Variants in YEATS2 observed in about 807,000 individuals in gnomAD.
YEATS2 encodes the protein YEATS domain containing 2.
In YEATS2, 77 loss-of-function variants were observed where a neutral mutation model predicts 163.2. That is an observed-to-expected ratio of 0.47 (90% CI 0.39 to 0.57). The LOEUF is 0.57. Among genes scored for constraint, YEATS2 ranks in the 20% least tolerant of loss-of-function variants. The pLI, the probability that YEATS2 is intolerant of heterozygous loss-of-function variation, is 0.00. For synonymous variants in YEATS2, 631 were observed against 645.1 expected, an observed-to-expected ratio of 0.98 and a Z score of 0.33; for missense variants, 1,549 against 1,729.8, an observed-to-expected ratio of 0.90 and a Z score of 1.85.
chr3:183,808,816 ACTG>A (rs1363940699), intron 29 of YEATS2: 3 of 292,272 alleles, frequency 1.0e-5, no homozygotes, highest in African/African-American at 6.6e-5. Context: ...AGATCGCGCC[ACTG>A]CGCTCCAGCC....
At chr3:183,721,601 T>C (rs1310734033) in intron 4 of YEATS2, among the ~76,000 whole-genome samples, 1 of 152,228 alleles carries the variant, frequency 6.6e-6, no homozygotes, top group East Asian at 1.9e-4. Flanking sequence ...ACTTTTAAAG[T>C]CAGATTTTAT....
intron 1 of YEATS2, among the ~76,000 whole-genome samples, chr3:183,699,014 A>G (rs1257973713): frequency 1.3e-5 from 2 of 152,156 alleles, no homozygotes; most frequent in African/African-American, 2.4e-5. Context: ...GGTTTTGAGA[A>G]GGCGAGTAGC....
At position 183,761,711 on chromosome 3, in the gene YEATS2, T is replaced by C. The variant is rs924256153; in HGVS notation, c.1764+97T>C. 3 of 1,161,720 alleles carry C rather than the reference T, an allele frequency of 2.6e-6. No homozygotes were observed. The African/African-American group carries it at 4.5e-5, about 18-fold the overall frequency. The allele number at this position is 1,161,720 out of a possible 1,614,324, so 72.0% of individuals were successfully genotyped here. Reference sequence around the variant, plus strand: ...ACCCCTACAACATGTTACTTTTTAGTGGGTCTCAACTCCTCATTCTGAGAC... The same window carrying C: ...ACCCCTACAACATGTTACTTTTTAGCGGGTCTCAACTCCTCATTCTGAGAC... On this transcript the variant is annotated intron_variant, in intron 14 of 30. Transcript: ENST00000305135.
At chr3:183,723,310 G>A (rs1716731682) in intron 5 of YEATS2, among the ~76,000 whole-genome samples, 1 of 152,178 alleles carries the variant, frequency 6.6e-6, no homozygotes, top group Admixed American at 6.5e-5. Context: ...TTGGATTAGA[G>A]CAGCGATTTT....
In YEATS2 at chr3:183,731,770, C is replaced by T. The variant is rs144014594; in HGVS notation, c.812+2919C>T. 1.3e-4 allele frequency among the ~76,000 whole-genome samples: 20 copies of T among 152,304 alleles called. No individual in the cohort carries two copies. The East Asian group carries it at 3.9e-3, about 29-fold the overall frequency. On this transcript the variant is annotated intron_variant, in intron 7 of 30. Transcript: ENST00000305135. ...GTTTCATTACCTGTATGAGGTTTGA[C>T]GTCATCGAAATAGCCTGTGTCTTGT...
At chr3:183,726,691 T>C (rs1399185543) in intron 6 of YEATS2, among the ~76,000 whole-genome samples, 1 of 152,264 alleles carries the variant, frequency 6.6e-6, no homozygotes. Context: ...CCCTCTATGC[T>C]ATCTCTTTGT....
chr3:183,728,920 T>C, intron 7 of YEATS2, 69 bp downstream of exon 7: 1 of 1,449,548 alleles, frequency 6.9e-7, no homozygotes, highest in Non-Finnish European at 9.4e-7. Flanking sequence ...AGAAAAGTGA[T>C]TTAACTTCAA....
intron 13 of YEATS2, 50 bp downstream of exon 13, chr3:183,759,015 A>G (rs1721065266): frequency 2.3e-6 from 3 of 1,281,586 alleles, no homozygotes; most frequent in African/African-American, 1.5e-5. Context: ...TTTTCTTTTC[A>G]TTTTTAAAAA....
At chr3:183,789,376 C>G (rs1345785178) in intron 20 of YEATS2, among the ~76,000 whole-genome samples, 1 of 152,070 alleles carries the variant, frequency 6.6e-6, no homozygotes, top group East Asian at 1.9e-4. Context: ...AAAGTCCCAA[C>G]TTACCTATTT....
At chr3:183,728,106 C>G (rs940270154) in intron 6 of YEATS2, among the ~76,000 whole-genome samples, 1 of 151,870 alleles carries the variant, frequency 6.6e-6, no homozygotes, top group African/African-American at 2.4e-5. Context: ...GCTTTGTCAC[C>G]TAGACTGAAG....
Position 183,730,074 on chromosome 3 carries a change from T to G in YEATS2, c.812+1223T>G, listed in dbSNP as rs1294702848. Among the ~76,000 whole-genome samples the G allele has an allele frequency of 9.3e-4, 108 of 115,982 alleles. 1 individual carries two copies. Among genetic ancestry groups the G allele is most frequent in the African/African-American group, 3.6e-3 (97 of 26,736 alleles). 76.1% of individuals were successfully genotyped at this position (115,982 alleles called of 152,430 possible). Reference sequence around the variant, plus strand: ...TTTGTTTTTTTTTTTTTTTTTTTTTTTTTTTTTTTTTTTGGAGACACATCC... The same window carrying G: ...TTTGTTTTTTTTTTTTTTTTTTTTTGTTTTTTTTTTTTTGGAGACACATCC... On this transcript the variant is annotated intron_variant, in intron 7 of 30. Transcript: ENST00000305135.
chr3:183,725,041 C>CTTTTTTTTTTTTTTTTTTTTTTTT (rs62826962), intron 6 of YEATS2, among the ~76,000 whole-genome samples: 23 of 87,514 alleles, frequency 2.6e-4, no homozygotes, highest in Admixed American at 2.9e-4. Context: ...CCGTGCCGGC[C>CTTTTTTTTTTTTTTTTTTTTTTTT]TTTTTTTTTT....
chr3:183,754,655 G>A (rs1352362456), intron 11 of YEATS2, among the ~76,000 whole-genome samples: 1 of 152,194 alleles, frequency 6.6e-6, no homozygotes, highest in Non-Finnish European at 1.5e-5. Flanking sequence ...TGAAACTAAG[G>A]TGTAGGAATC....
intron 20 of YEATS2, among the ~76,000 whole-genome samples, chr3:183,786,620 T>C (rs754551588): frequency 6.6e-6 from 1 of 152,146 alleles, no homozygotes; most frequent in Non-Finnish European, 1.5e-5. Context: ...CTGACCTACT[T>C]TCTTTGGATT....
rs1715953478 is a variant in YEATS2, at chr3:183,716,948, G to A, written c.101-703G>A. ...CGCTCTGTCACCCGGGCTGGAGTGC[G>A]GTGGCACGATCTCGGCTCACTGCCA... is the stretch of plus-strand genomic sequence containing the variant. On this transcript the variant is annotated intron_variant, in intron 2 of 30. Coordinates refer to ENST00000305135, the MANE Select transcript of YEATS2 (RefSeq NM_018023.5). Among the ~76,000 whole-genome samples the A allele has an allele frequency of 3.3e-5, 5 of 151,286 alleles. No homozygotes were observed. In the South Asian group the frequency reaches 1.0e-3, roughly 32 times the overall value.
chr3:183,812,574 G>A lies in YEATS2; in HGVS notation c.*1991G>A, dbSNP rs1298818619. 1 of 152,644 alleles carries A rather than the reference G, an allele frequency of 6.6e-6. No homozygotes were observed. Among genetic ancestry groups the A allele is most frequent in the African/African-American group, 2.4e-5 (1 of 41,450 alleles). The allele number at this position is 152,644 out of a possible 1,614,324, so 9.5% of individuals were successfully genotyped here. A position where few individuals can be genotyped will look rare whatever the true frequency, so the allele number is the denominator to read the frequency against. ...TAATGTTTCAAACGTGTATCATAAT[G>A]TGTATAATTGTGTAACAAAATTGTC... On this transcript the variant is annotated 3_prime_UTR_variant, in exon 31 of 31. Coordinates refer to ENST00000305135, the MANE Select transcript of YEATS2 (RefSeq NM_018023.5).
At position 183,758,895 on chromosome 3, in the gene YEATS2, A is replaced by T; in HGVS notation, c.1586A>T (p.Gln529Leu). The stretch of plus-strand genomic sequence containing the variant: ...ACAAACAAGATCTCCACGGCTTCTC[A>T]GGTCTCCCAAGGAACAGGTTCCCCT... Reference protein sequence around the residue: ...SPTNKISTASQVSQGTGSPVP... With the variant: ...SPTNKISTASLVSQGTGSPVP... The change falls in exon 13 of 31, where the codon CAG (glutamine) becomes CTG (leucine). Residue 529 changes from glutamine to leucine, a missense_variant. Gln to Leu is a moderately radical substitution (Grantham distance 113, BLOSUM62 -2). Transcript: ENST00000305135. 1 of 1,597,858 alleles carries T rather than the reference A, an allele frequency of 6.3e-7. No individual in the cohort carries two copies. The highest frequency in any genetic ancestry group is 8.5e-7 in the Non-Finnish European group (1 of 1,175,192).
At chr3:183,800,330 C>A in intron 23 of YEATS2, 136 bp from the exon 24 acceptor site, 1 of 632,834 alleles carries the variant, frequency 1.6e-6, no homozygotes, top group Non-Finnish European at 2.8e-6. Flanking sequence ...CATCTCAGTC[C>A]CCTGGCTGTG....
chr3:183,777,758 A>G (rs962235265), intron 19 of YEATS2, 58 bp downstream of exon 19: 4 of 1,548,786 alleles, frequency 2.6e-6, no homozygotes, highest in Admixed American at 4.1e-5. Context: ...TTATTTACAT[A>G]TTTACATGTA....
Sources: gnomAD v4.1 joint callset for allele counts (sites outside exome capture counted in the v4.1 genomes callset) on GRCh38, gnomAD v4.1.1 for gene constraint, MANE v1.5 for transcripts, NCBI Gene and HGNC (gene_info 2026-07-23, HGNC 2026-07-21) for gene names.